Variants in LARGE1 observed in about 807,000 individuals in gnomAD.
LARGE1 encodes the protein xylosyl- and glucuronyltransferase LARGE1.
LARGE1 carries 43 observed loss-of-function variants against 87.6 expected under a neutral mutation model. The ratio of observed to expected loss-of-function variants is 0.49; its 90% CI spans 0.38 to 0.63. LARGE1 has a LOEUF of 0.63. Ranked by LOEUF, LARGE1 falls within the 30% of genes least tolerant of loss-of-function variation. The probability of loss-of-function intolerance (pLI) is 0.00; values close to 1 mark genes in which losing one functional copy is unlikely to be tolerated. For missense variants in LARGE1, 802 were observed against 1,000.2 expected (o/e 0.80, Z 2.67); for synonymous variants, 434 against 394.6 (o/e 1.10, Z -1.18).
intron 1 of LARGE1, among the ~76,000 whole-genome samples, chr22:33,797,293 C>G (rs2086017816): frequency 6.6e-6 from 1 of 152,188 alleles, no homozygotes; most frequent in Non-Finnish European, 1.5e-5. Flanking sequence ...TCACCAAGCC[C>G]TTAGCTCCAC....
At chr22:33,277,570 T>C (rs1429937122) in intron 13 of LARGE1, among the ~76,000 whole-genome samples, 2 of 152,142 alleles carry the variant, frequency 1.3e-5, no homozygotes, top group African/African-American at 2.4e-5. Flanking sequence ...ATACCATGTA[T>C]AGACATTGGG....
In LARGE1 at chr22:33,381,881, T is replaced by C. The variant is rs200750473; in HGVS notation, c.1131+38A>G. 3.6e-4 allele frequency: 575 copies of C among 1,613,288 alleles called. 1 individual carries two copies. The highest frequency in any genetic ancestry group is 4.6e-4 in the Non-Finnish European group (539 of 1,179,872). On this transcript the variant is annotated intron_variant, in intron 9 of 14. Transcript: ENST00000397394. Reference sequence around the variant, plus strand: ...CCCTGGGAGGTCCTCTCGGCCCACCTCACCCTACCTCCAGGGATGTCCCTG... The same window carrying C: ...CCCTGGGAGGTCCTCTCGGCCCACCCCACCCTACCTCCAGGGATGTCCCTG...
rs35018256 is a variant in LARGE1 at position 33,416,906 on chromosome 22, C to CTTTTTT, written c.892+15249_892+15254dup. Among the ~76,000 whole-genome samples, 42 of 90,148 alleles carry CTTTTTT rather than the reference C, an allele frequency of 4.7e-4. 3 individuals are homozygous for CTTTTTT. Among genetic ancestry groups the CTTTTTT allele is most frequent in the African/African-American group, 1.5e-3 (27 of 17,438 alleles). 59.1% of individuals were successfully genotyped at this position (90,148 alleles called of 152,430 possible). On this transcript the variant is annotated intron_variant, in intron 7 of 14. Coordinates refer to ENST00000397394, the MANE Select transcript of LARGE1 (RefSeq NM_133642.5). ...ACAGGTGTGAGGCACCACGCCCGGACTTTTTTTTTTTTTTTTTTTGAGACA... is the reference window on the plus strand; with the variant it reads ...ACAGGTGTGAGGCACCACGCCCGGACTTTTTTTTTTTTTTTTTTTTTTTTTGAGACA...
chr22:33,339,143 G>A (rs1408390745), intron 9 of LARGE1, among the ~76,000 whole-genome samples: 5 of 138,920 alleles, frequency 3.6e-5, no homozygotes, highest in African/African-American at 8.5e-5. Flanking sequence ...GCGAGACTCC[G>A]TCTCAAAAAA....
intron 6 of LARGE1, among the ~76,000 whole-genome samples, chr22:33,561,355 T>C (rs1328883030): frequency 2.0e-5 from 3 of 152,170 alleles, no homozygotes; most frequent in Admixed American, 6.5e-5. Context: ...GGCAGAGTAG[T>C]TGGTAGTCAG....
chr22:33,721,870 T>C (rs1172925552), intron 2 of LARGE1, among the ~76,000 whole-genome samples: 1 of 152,220 alleles, frequency 6.6e-6, no homozygotes, highest in Non-Finnish European at 1.5e-5. Flanking sequence ...TTTTGTACTC[T>C]TTATTTTTGT....
intron 6 of LARGE1, among the ~76,000 whole-genome samples, chr22:33,534,407 A>T (rs916588097): frequency 1.4e-5 from 2 of 146,782 alleles, no homozygotes; most frequent in Non-Finnish European, 2.9e-5. Context: ...CTGTCTCAAA[A>T]ACAAACAGAC....
At chr22:33,473,025 G>A (rs539705393) in intron 6 of LARGE1, among the ~76,000 whole-genome samples, 167 of 152,238 alleles carry the variant, frequency 1.1e-3, no homozygotes, top group African/African-American at 3.9e-3. Flanking sequence ...GGGACTGAGG[G>A]GTTTCCTGAA....
intron 6 of LARGE1, among the ~76,000 whole-genome samples, chr22:33,482,543 C>T (rs367560601): frequency 2.6e-5 from 4 of 152,044 alleles, no homozygotes; most frequent in Non-Finnish European, 4.4e-5. Flanking sequence ...TGGGGCCTGT[C>T]GGGAGGTTGG....
At chr22:33,118,546 A>T in the LARGE1 span, among the ~76,000 whole-genome samples, 1 of 151,690 alleles carries the variant, frequency 6.6e-6, no homozygotes, top group Non-Finnish European at 1.5e-5. Flanking sequence ...AGACAGGAAG[A>T]AGAGAGACAA....
chr22:33,444,670 T>C (rs2067616159), intron 6 of LARGE1, among the ~76,000 whole-genome samples: 1 of 152,114 alleles, frequency 6.6e-6, no homozygotes, highest in Non-Finnish European at 1.5e-5. Flanking sequence ...TTGGCATCAT[T>C]TGGTATAAGG....
At chr22:33,449,667 C>T (rs769646780) in intron 6 of LARGE1, among the ~76,000 whole-genome samples, 4 of 152,230 alleles carry the variant, frequency 2.6e-5, no homozygotes, top group Non-Finnish European at 5.9e-5. Context: ...TTCTCATCAA[C>T]TTTGGGTTAG....
chr22:33,234,567 G>A (rs1341930892), intron 11 of LARGE1, among the ~76,000 whole-genome samples: 2 of 151,998 alleles, frequency 1.3e-5, no homozygotes, highest in Non-Finnish European at 2.9e-5. Flanking sequence ...TTGAGACAGA[G>A]TTTTGCTCTT....
chr22:33,815,706 C>G (rs892448073), intron 1 of LARGE1, among the ~76,000 whole-genome samples: 1 of 152,202 alleles, frequency 6.6e-6, no homozygotes, highest in African/African-American at 2.4e-5. Flanking sequence ...GAGTTCTCAG[C>G]AGAGAATTGT....
chr22:33,743,919 GAAAGTGAGCTCTTTCACAT>G (rs1458863720), intron 2 of LARGE1: 2 of 152,128 alleles, frequency 1.3e-5, no homozygotes, highest in African/African-American at 2.4e-5. Flanking sequence ...GATTCAATGA[GAAAGTGAGCTCTTTCACAT>G]ACCAGCTGAG....
chr22:33,313,011 G>T (rs1177703349), intron 11 of LARGE1, among the ~76,000 whole-genome samples: 1 of 152,108 alleles, frequency 6.6e-6, no homozygotes, highest in African/African-American at 2.4e-5. Context: ...ACACCAGTTG[G>T]GTGTCCCTAT....
At chr22:33,155,985 T>G in the LARGE1 span, among the ~76,000 whole-genome samples, 2 of 152,188 alleles carry the variant, frequency 1.3e-5, no homozygotes, top group African/African-American at 4.8e-5. Context: ...CCTTGCATCT[T>G]CCATGTAGTG....
At chr22:33,328,604 TA>T (rs1276854706) in intron 10 of LARGE1, among the ~76,000 whole-genome samples, 13 of 148,432 alleles carry the variant, frequency 8.8e-5, no homozygotes, top group African/African-American at 3.2e-4. Context: ...ATAATAATAA[TA>T]ATAAAATAAA....
intron 1 of LARGE1, among the ~76,000 whole-genome samples, chr22:33,900,225 G>A (rs1305174121): frequency 1.3e-5 from 2 of 152,208 alleles, no homozygotes; most frequent in Non-Finnish European, 1.5e-5. Flanking sequence ...AGGACAAGGA[G>A]GAACACAGCA....
Sources: gnomAD v4.1 joint callset for allele counts (sites outside exome capture counted in the v4.1 genomes callset) on GRCh38, gnomAD v4.1.1 for gene constraint, MANE v1.5 for transcripts, NCBI Gene and HGNC (gene_info 2026-07-23, HGNC 2026-07-21) for gene names.